GRIK3: variants seen among roughly 807,000 people sequenced by gnomAD.
The protein encoded by GRIK3 is glutamate ionotropic receptor kainate type subunit 3.
A neutral mutation model predicts 102.5 loss-of-function variants in GRIK3; 29 were observed. The observed-to-expected ratio is 0.28, with a 90% CI of 0.21 to 0.39. The LOEUF (loss-of-function observed/expected upper bound fraction) is 0.39. Ranked by LOEUF, GRIK3 falls within the 10% of genes least tolerant of loss-of-function variation. The probability of loss-of-function intolerance (pLI) is 1.00; values close to 1 mark genes in which losing one functional copy is unlikely to be tolerated. For synonymous variants in GRIK3, 511 were observed against 504.9 expected, an observed-to-expected ratio of 1.01 and a Z score of -0.16; for missense variants, 908 against 1,252.4, an observed-to-expected ratio of 0.73 and a Z score of 4.15.
Position 36,944,898 on chromosome 1 carries a change from G to A in GRIK3, c.116-53802C>T, listed in dbSNP as rs1007439418. ...GGAAGAGTCTAGCGAACAGTGGCTTGTGCCATCTTTATATTATGGTCTCTA... is the reference window on the plus strand; with the variant it reads ...GGAAGAGTCTAGCGAACAGTGGCTTATGCCATCTTTATATTATGGTCTCTA... On this transcript the variant is annotated intron_variant, in intron 1 of 15. Transcript: ENST00000373091. Among the ~76,000 whole-genome samples the A allele has an allele frequency of 4.3e-4, 65 of 152,222 alleles. 2 individuals carry two copies. The highest frequency in any genetic ancestry group is 3.6e-3 in the Admixed American group (55 of 15,306).
chr1:36,889,290 A>G (rs1301358956), intron 2 of GRIK3, among the ~76,000 whole-genome samples: 1 of 151,066 alleles, frequency 6.6e-6, no homozygotes, highest in African/African-American at 2.4e-5. Flanking sequence ...TGGGCTGGAG[A>G]AAGGGAATTA....
At chr1:37,032,617 ACCATAAGGGTTGT>A (rs1390451664) in intron 1 of GRIK3, among the ~76,000 whole-genome samples, 1 of 152,158 alleles carries the variant, frequency 6.6e-6, no homozygotes. Flanking sequence ...GTTAAGCCTG[ACCATAAGGGTTGT>A]CCCCAGTGTC....
chr1:36,847,761 C>G (rs1557701319), intron 9 of GRIK3, among the ~76,000 whole-genome samples: 1 of 152,190 alleles, frequency 6.6e-6, no homozygotes, highest in African/African-American at 2.4e-5. Context: ...TATGGCAAAT[C>G]AACATCAAAG....
chr1:36,916,643 C>G (rs1443534041), intron 1 of GRIK3, among the ~76,000 whole-genome samples: 1 of 152,204 alleles, frequency 6.6e-6, no homozygotes, highest in African/African-American at 2.4e-5. Context: ...CGGGCTGTTG[C>G]TTCAACGGGT....
chr1:36,881,993 ACTCC>A (rs1640985006), intron 2 of GRIK3, among the ~76,000 whole-genome samples: 1 of 140,534 alleles, frequency 7.1e-6, no homozygotes, highest in African/African-American at 2.6e-5. Flanking sequence ...GAGCCTCAAG[ACTCC>A]CTCCCCCTCC....
At chr1:36,954,609 G>A (rs1370460725) in intron 1 of GRIK3, among the ~76,000 whole-genome samples, 1 of 152,184 alleles carries the variant, frequency 6.6e-6, no homozygotes, top group Non-Finnish European at 1.5e-5. Flanking sequence ...GGTAGCACAT[G>A]TCTGTGTTCC....
intron 1 of GRIK3, among the ~76,000 whole-genome samples, chr1:36,986,354 T>C (rs574775820): frequency 6.6e-6 from 1 of 151,858 alleles, no homozygotes; most frequent in Non-Finnish European, 1.5e-5. Context: ...CATCCATCCA[T>C]CCATCCATCC....
intron 1 of GRIK3, among the ~76,000 whole-genome samples, chr1:36,901,159 G>A (rs1641229098): frequency 6.6e-6 from 1 of 152,156 alleles, no homozygotes; most frequent in East Asian, 1.9e-4. Flanking sequence ...AACAGAAGCA[G>A]AGGACTATTT....
chr1:36,926,110 A>G (rs538104640), intron 1 of GRIK3, among the ~76,000 whole-genome samples: 6 of 152,318 alleles, frequency 3.9e-5, no homozygotes, highest in African/African-American at 1.4e-4. Flanking sequence ...CTGAGATCAC[A>G]GTGATTCCTC....
chr1:36,853,745 C>G, intron 7 of GRIK3, 23 bp from the exon 8 acceptor site: 1 of 1,322,934 alleles, frequency 7.6e-7, no homozygotes, highest in Non-Finnish European at 1.1e-6. Flanking sequence ...GAGGGCAGAG[C>G]GGCAATTCCT....
intron 1 of GRIK3, among the ~76,000 whole-genome samples, chr1:36,897,311 CAA>C (rs1272261040): frequency 6.6e-6 from 1 of 152,108 alleles, no homozygotes; most frequent in East Asian, 1.9e-4. Flanking sequence ...AATACAAAGT[CAA>C]TACACAAAAT....
intron 1 of GRIK3, among the ~76,000 whole-genome samples, chr1:36,957,462 T>TGTGTGC (rs879363743): frequency 8.7e-6 from 1 of 115,244 alleles, no homozygotes; most frequent in African/African-American, 3.1e-5. Flanking sequence ...CCTGTGAGCC[T>TGTGTGC]ATGTGCTCTG....
rs1031189923 is a variant in GRIK3 at position 36,796,286 on chromosome 1, A to T, written c.*5565T>A. ...ATCTGCAGCCTCCTGGGGAGGGGGC[A>T]CTCTGCCAACTGCCCTGCCAGGATG... On this transcript the variant is annotated 3_prime_UTR_variant, in exon 16 of 16. Coordinates refer to ENST00000373091, the MANE Select transcript of GRIK3 (RefSeq NM_000831.4). 4 of 152,290 alleles carry T rather than the reference A, an allele frequency of 2.6e-5. No individual in the cohort carries two copies. Among genetic ancestry groups the T allele is most frequent in the African/African-American group, 9.7e-5 (4 of 41,396 alleles). 9.4% of individuals were successfully genotyped at this position (152,290 alleles called of 1,614,324 possible).
chr1:36,818,843 C>G (rs549273471), intron 12 of GRIK3, among the ~76,000 whole-genome samples: 1 of 152,304 alleles, frequency 6.6e-6, no homozygotes, highest in South Asian at 2.1e-4. Context: ...GCCCCCTAAG[C>G]AGGTCCCTCA....
At chr1:36,997,792 A>G (rs1642435986) in intron 1 of GRIK3, among the ~76,000 whole-genome samples, 1 of 152,194 alleles carries the variant, frequency 6.6e-6, no homozygotes, top group South Asian at 2.1e-4. Context: ...AGCCTAGCCC[A>G]CATCCTGGAA....
chr1:36,820,703 A>G (rs970760971), intron 11 of GRIK3, among the ~76,000 whole-genome samples: 2 of 152,254 alleles, frequency 1.3e-5, no homozygotes, highest in African/African-American at 4.8e-5. Context: ...GACAGTATAG[A>G]TGAATACAAT....
intron 1 of GRIK3, among the ~76,000 whole-genome samples, chr1:36,973,799 C>T (rs1402996284): frequency 3.3e-5 from 5 of 152,010 alleles, no homozygotes; most frequent in African/African-American, 7.3e-5. Flanking sequence ...TTTCAGATGA[C>T]GTAGGAGACG....
At chr1:36,846,673 T>G (rs927451514) in intron 9 of GRIK3, among the ~76,000 whole-genome samples, 3 of 152,200 alleles carry the variant, frequency 2.0e-5, no homozygotes, top group Non-Finnish European at 4.4e-5. Flanking sequence ...CCACAGTGGC[T>G]GGGGCTGGGC....
intron 1 of GRIK3, among the ~76,000 whole-genome samples, chr1:37,010,493 G>A (rs959181916): frequency 6.6e-6 from 1 of 152,130 alleles, no homozygotes; most frequent in Non-Finnish European, 1.5e-5. Flanking sequence ...ATTTTGATTC[G>A]TGAACCTACT....
Sources: gnomAD v4.1 joint callset for allele counts (sites outside exome capture counted in the v4.1 genomes callset) on GRCh38, gnomAD v4.1.1 for gene constraint, MANE v1.5 for transcripts, NCBI Gene and HGNC (gene_info 2026-07-23, HGNC 2026-07-21) for gene names.